The following CHMP4C variants were observed in gnomAD, a reference collection of about 807,000 sequenced individuals.
CHMP4C encodes SNF7 homolog associated with Alix 3.
A neutral mutation model predicts 29.0 loss-of-function variants in CHMP4C; 28 were observed. The observed-to-expected ratio is 0.97, with a 90% CI of 0.72 to 1.32. The LOEUF is 1.32. CHMP4C is among the 40% of genes most tolerant of loss of function. The probability of loss-of-function intolerance (pLI) is 0.00; values close to 1 mark genes in which losing one functional copy is unlikely to be tolerated. For missense variants in CHMP4C, 291 were observed against 281.0 expected (o/e 1.04, Z -0.25); for synonymous variants, 106 against 102.4 (o/e 1.04, Z -0.21).
intron 1 of CHMP4C, among the ~76,000 whole-genome samples, chr8:81,752,731 T>C (rs1418415468): frequency 1.3e-5 from 2 of 152,324 alleles, no homozygotes; most frequent in East Asian, 1.9e-4. Context: ...TTCTATTGTA[T>C]GATTTTTACT....
At chr8:81,749,545 A>G (rs774578085) in intron 1 of CHMP4C, among the ~76,000 whole-genome samples, 2 of 152,202 alleles carry the variant, frequency 1.3e-5, no homozygotes. Context: ...TAATTCTACT[A>G]TAGTGTGATA....
intron 1 of CHMP4C, among the ~76,000 whole-genome samples, chr8:81,752,701 C>T (rs145944202): frequency 5.9e-5 from 9 of 152,246 alleles, no homozygotes; most frequent in Middle Eastern, 3.4e-3. Context: ...AAGGTCTTTA[C>T]GTTCTCTAAT....
chr8:81,736,279 C>T (rs1159023305), intron 1 of CHMP4C, among the ~76,000 whole-genome samples: 1 of 151,456 alleles, frequency 6.6e-6, no homozygotes, highest in Non-Finnish European at 1.5e-5. Flanking sequence ...CCTCAGCTTC[C>T]TGAGTAGCTA....
In CHMP4C at chr8:81,753,068, A is replaced by G. The variant is rs570236969; in HGVS notation, c.195A>G (p.Ala65=). ...TGTGGCTTCTCTCTTATTTAGCTGC[A>G]TTACAGGCACTAAAGAGAAAGAAGA... ...KKHGTQNKRA[A]LQALKRKKRF... is the part of the protein sequence containing the mutation. Residue 65 remains alanine (A), a synonymous_variant, in exon 2 of 5, where the codon GCA becomes GCG. Transcript: ENST00000297265. The G allele has an allele frequency of 1.7e-5, 27 of 1,605,868 alleles. No individual in the cohort carries two copies. The East Asian group carries it at 4.5e-4, about 27-fold the overall frequency.
chr8:81,734,386 A>C (rs970132726), intron 1 of CHMP4C, among the ~76,000 whole-genome samples: 2 of 152,290 alleles, frequency 1.3e-5, no homozygotes, highest in Admixed American at 1.3e-4. Context: ...GCTGGAGTGC[A>C]ATGGCGCGAT....
At chr8:81,739,930 T>C (rs527447622) in intron 1 of CHMP4C, among the ~76,000 whole-genome samples, 1 of 152,354 alleles carries the variant, frequency 6.6e-6, no homozygotes, top group East Asian at 1.9e-4. Context: ...TGGAAATCAA[T>C]ATGTTCAGCT....
At chr8:81,736,085 CAATAAATAAATAAATAAATAAATAAATA>C (rs55869119) in intron 1 of CHMP4C, among the ~76,000 whole-genome samples, 23 of 135,822 alleles carry the variant, frequency 1.7e-4, no homozygotes, top group African/African-American at 5.3e-4. Flanking sequence ...GACTATGTCT[CAATAAATAAATAAATAAATAAATAAATA>C]AATAAATAAA....
In CHMP4C at chr8:81,758,287, C is replaced by G; in HGVS notation, c.629C>G (p.Ser210Cys). The G allele has an allele frequency of 6.2e-7, 1 of 1,613,984 alleles. No individual in the cohort carries two copies. The highest frequency in any genetic ancestry group is 2.2e-5 in the East Asian group (1 of 44,880). ...GGCATGTCGTCCACTGCACGTCGAT[C>G]CCGAGCAGGTCTGTTACCCAGCTCA... ...KPGMSSTARR[S>C]RAASSQRAEE... Residue 210 changes from serine (S) to cysteine (C), a missense_variant, in exon 4 of 5, where the codon TCC becomes TGC. Ser to Cys is a moderately radical substitution (Grantham distance 112, BLOSUM62 -1). Transcript: ENST00000297265.
chr8:81,734,257 G>A (rs1388527976), intron 1 of CHMP4C, among the ~76,000 whole-genome samples: 1 of 152,124 alleles, frequency 6.6e-6, no homozygotes, highest in African/African-American at 2.4e-5. Context: ...TCTGTCAAGG[G>A]TTTTCTTCCC....
chr8:81,752,408 A>G (rs1185783918), intron 1 of CHMP4C, among the ~76,000 whole-genome samples: 5 of 152,118 alleles, frequency 3.3e-5, no homozygotes. Flanking sequence ...GTTAATGGGA[A>G]GATTATTTGG....
chr8:81,758,116 T>C, intron 3 of CHMP4C, 26 bp from the exon 4 acceptor site: 1 of 1,611,304 alleles, frequency 6.2e-7, no homozygotes, highest in Non-Finnish European at 8.5e-7. Context: ...GTTAACTCCA[T>C]AATTCTTCCT....
At position 81,748,322 on chromosome 8, in the gene CHMP4C, C is replaced by T. The variant is rs147033844; in HGVS notation, c.191-4742C>T. On this transcript the variant is annotated intron_variant, in intron 1 of 4. Coordinates refer to ENST00000297265, the MANE Select transcript of CHMP4C (RefSeq NM_152284.4). ...ACGCAAATATCACATAGTCCTGAGG[C>T]GACATACATCCTCCTCGGCTGACAG... is the stretch of plus-strand genomic sequence containing the variant. 4.9e-4 allele frequency among the ~76,000 whole-genome samples: 74 copies of T among 152,168 alleles called. No homozygotes were observed. The East Asian group carries it at 0.011, about 23-fold the overall frequency.
intron 1 of CHMP4C, among the ~76,000 whole-genome samples, chr8:81,734,012 C>T (rs967239959): frequency 2.0e-5 from 3 of 152,170 alleles, no homozygotes; most frequent in African/African-American, 7.2e-5. Flanking sequence ...CCACTTACCA[C>T]CAACAATAAG....
Position 81,758,136 on chromosome 8 carries a change from G to A in CHMP4C, c.484-6G>A, listed in dbSNP as rs1160566158. On this transcript the variant is annotated splice_polypyrimidine_tract_variant and splice_region_variant and intron_variant, in intron 3 of 4. Coordinates refer to ENST00000297265, the MANE Select transcript of CHMP4C (RefSeq NM_152284.4). ...CTCCATAATTCTTCCTTTCTCCTGT[G>A]TTCAGGATGAGTTGATGGCAGAACT... is the stretch of plus-strand genomic sequence containing the variant. 1.2e-6 allele frequency: 2 copies of A among 1,613,604 alleles called. No homozygotes were observed. The highest frequency in any genetic ancestry group is 1.7e-6 in the Non-Finnish European group (2 of 1,179,690).
Position 81,759,066 on chromosome 8 carries a change from C to T in CHMP4C, c.*522C>T, listed in dbSNP as rs868709496. 1 of 153,288 alleles carries T rather than the reference C, an allele frequency of 6.5e-6. No homozygotes were observed. The highest frequency in any genetic ancestry group is 6.5e-5 in the Admixed American group (1 of 15,342). 9.5% of individuals were successfully genotyped at this position (153,288 alleles called of 1,614,324 possible). A position where few individuals can be genotyped will look rare whatever the true frequency, so the allele number is the denominator to read the frequency against. On this transcript the variant is annotated 3_prime_UTR_variant, in exon 5 of 5. Coordinates refer to ENST00000297265, the MANE Select transcript of CHMP4C (RefSeq NM_152284.4). ...TGGGGGGGAGAAATAATGTTATTTC[C>T]TATGCGAATGACGTGTATCCCTGTA...
In CHMP4C at chr8:81,759,444, A is replaced by G. The variant is rs1363516944; in HGVS notation, c.*900A>G. The G allele has an allele frequency of 6.6e-6, 1 of 152,082 alleles. No individual in the cohort carries two copies. The highest frequency in any genetic ancestry group is 1.5e-5 in the Non-Finnish European group (1 of 68,004). The allele number at this position is 152,082 out of a possible 1,614,324, so 9.4% of individuals were successfully genotyped here. A position where few individuals can be genotyped will look rare whatever the true frequency, so the allele number is the denominator to read the frequency against. ...CTGTTTTGTGCTCTCTTGTACATTT[A>G]TTTACCCTTTACAGAATATTTCTTG... On this transcript the variant is annotated 3_prime_UTR_variant, in exon 5 of 5. Transcript: ENST00000297265.
chr8:81,738,584 T>C (rs1180461947), intron 1 of CHMP4C, among the ~76,000 whole-genome samples: 1 of 152,180 alleles, frequency 6.6e-6, no homozygotes, highest in African/African-American at 2.4e-5. Flanking sequence ...AGAGCTCAAT[T>C]CTGCAGTCCT....
At chr8:81,752,952 C>A in intron 1 of CHMP4C, 112 bp from the exon 2 acceptor site, 2 of 786,646 alleles carry the variant, frequency 2.5e-6, no homozygotes, top group South Asian at 2.4e-5. Flanking sequence ...TTTTGGTATA[C>A]TCGTTGTCCT....
intron 1 of CHMP4C, among the ~76,000 whole-genome samples, chr8:81,739,225 T>C (rs1276372054): frequency 1.3e-5 from 2 of 151,384 alleles, no homozygotes; most frequent in African/African-American, 4.9e-5. Context: ...GCCTCCTGAG[T>C]AGCTGGGACT....
Sources: gnomAD v4.1 joint callset for allele counts (sites outside exome capture counted in the v4.1 genomes callset) on GRCh38, gnomAD v4.1.1 for gene constraint, MANE v1.5 for transcripts, NCBI Gene and HGNC (gene_info 2026-07-23, HGNC 2026-07-21) for gene names.